The following SETBP1 variants were observed in gnomAD, a reference collection of about 807,000 sequenced individuals.
The protein encoded by SETBP1 is SET-binding protein.
A neutral mutation model predicts 101.0 loss-of-function variants in SETBP1; 9 were observed. That is an observed-to-expected ratio of 0.09 (90% confidence interval 0.05 to 0.16). The LOEUF (loss-of-function observed/expected upper bound fraction) is 0.16, where lower values mean the gene tolerates loss of function less well. SETBP1 is among the 10% of genes least tolerant of loss of function. The pLI is 1.00. For missense variants in SETBP1, 1,858 were observed against 2,033.8 expected, an observed-to-expected ratio of 0.91 and a Z score of 1.66; for synonymous variants, 818 against 788.5, an observed-to-expected ratio of 1.04 and a Z score of -0.63.
chr18:44,694,369 G>A (rs1344913697), intron 1 of SETBP1, among the ~76,000 whole-genome samples: 1 of 152,054 alleles, frequency 6.6e-6, no homozygotes, highest in Non-Finnish European at 1.5e-5. Flanking sequence ...ATGCCACCAC[G>A]CCCGACTAAT....
At chr18:45,002,091 A>C (rs546129716) in intron 4 of SETBP1, among the ~76,000 whole-genome samples, 10 of 152,256 alleles carry the variant, frequency 6.6e-5, no homozygotes, top group African/African-American at 2.2e-4. Flanking sequence ...TCTTTGAAAA[A>C]AACAAAGCCT....
Position 44,929,961 on chromosome 18 carries a change from T to G in SETBP1, c.541-19920T>G, listed in dbSNP as rs148858805. Among the ~76,000 whole-genome samples, 87 of 152,348 alleles carry G rather than the reference T, an allele frequency of 5.7e-4. No homozygotes were observed. In the East Asian group the frequency reaches 0.015, roughly 26 times the overall value. On this transcript the variant is annotated intron_variant, in intron 3 of 5. Coordinates refer to ENST00000649279, the MANE Select transcript of SETBP1 (RefSeq NM_015559.3). ...TTGCCTGATTGCCCTGGCCAGAACT[T>G]CCAACACTGTGTTGAATAGGAGTGG...
chr18:44,693,844 C>G (rs2068973292), intron 1 of SETBP1, among the ~76,000 whole-genome samples: 1 of 152,156 alleles, frequency 6.6e-6, no homozygotes, highest in Non-Finnish European at 1.5e-5. Context: ...GTATGGGCAG[C>G]TTGAACAAAA....
Position 45,004,323 on chromosome 18 carries a change from C to A in SETBP1, c.4001-34162C>A, listed in dbSNP as rs546287775. On this transcript the variant is annotated intron_variant, in intron 4 of 5. Transcript: ENST00000649279. ...GTTGTCCTTGGCATCCCAAATTCAT[C>A]TTTTTTACACCGATGGTTGGCGTGA... Among the ~76,000 whole-genome samples the A allele has an allele frequency of 1.6e-4, 24 of 152,302 alleles. No homozygotes were observed. The South Asian group carries it at 5.0e-3, about 32-fold the overall frequency.
At chr18:45,053,804 C>T (rs1360435770) in intron 5 of SETBP1, among the ~76,000 whole-genome samples, 2 of 151,868 alleles carry the variant, frequency 1.3e-5, no homozygotes, top group African/African-American at 4.8e-5. Context: ...GAAAATGTCT[C>T]ACAATCAGGT....
intron 2 of SETBP1, among the ~76,000 whole-genome samples, chr18:44,767,112 A>T (rs1382925462): frequency 6.6e-6 from 1 of 152,208 alleles, no homozygotes; most frequent in African/African-American, 2.4e-5. Context: ...GAAAATTTGT[A>T]TTTGCAAATA....
chr18:44,857,296 G>A (rs962428425), intron 2 of SETBP1, among the ~76,000 whole-genome samples: 2 of 152,160 alleles, frequency 1.3e-5, no homozygotes, highest in Non-Finnish European at 2.9e-5. Flanking sequence ...TCCTCAAGTG[G>A]ACTCTAGGTA....
intron 3 of SETBP1, among the ~76,000 whole-genome samples, chr18:44,908,810 C>T (rs1401582980): frequency 6.6e-6 from 1 of 152,200 alleles, no homozygotes; most frequent in African/African-American, 2.4e-5. Flanking sequence ...AATTCATGTC[C>T]TGTAGAGTAC....
chr18:44,957,276 T>C (rs1185087213), intron 4 of SETBP1, among the ~76,000 whole-genome samples: 1 of 152,072 alleles, frequency 6.6e-6, no homozygotes, highest in African/African-American at 2.4e-5. Context: ...ATGAGTGACA[T>C]TTTCTATTCA....
chr18:44,960,343 T>G (rs1339950826), intron 4 of SETBP1, among the ~76,000 whole-genome samples: 1 of 152,092 alleles, frequency 6.6e-6, no homozygotes, highest in Non-Finnish European at 1.5e-5. Flanking sequence ...GGCAAGCCAC[T>G]TTTTATTTTA....
At chr18:44,977,308 A>T (rs1047833055) in intron 4 of SETBP1, among the ~76,000 whole-genome samples, 1 of 152,220 alleles carries the variant, frequency 6.6e-6, no homozygotes, top group African/African-American at 2.4e-5. Context: ...GAAAGGGGGA[A>T]AAAAGGAGCA....
chr18:44,782,742 GGTCAGTCTGGAAC>G (rs1329989220), intron 2 of SETBP1, among the ~76,000 whole-genome samples: 38 of 152,224 alleles, frequency 2.5e-4, no homozygotes, highest in African/African-American at 8.9e-4. Flanking sequence ...AATATGTCTA[GGTCAGTCTGGAAC>G]TTCCCCCAGC....
intron 2 of SETBP1, among the ~76,000 whole-genome samples, chr18:44,841,400 G>A (rs934037323): frequency 2.0e-5 from 3 of 152,114 alleles, no homozygotes; most frequent in Non-Finnish European, 4.4e-5. Context: ...ACCTTGTCTT[G>A]GAAATCACAC....
At chr18:44,942,139 G>A (rs2092241895) in intron 3 of SETBP1, among the ~76,000 whole-genome samples, 1 of 152,130 alleles carries the variant, frequency 6.6e-6, no homozygotes, top group Admixed American at 6.5e-5. Flanking sequence ...ATTTGTTAGT[G>A]AGGGACTCGA....
At chr18:45,045,692 G>C (rs1311750832) in intron 5 of SETBP1, among the ~76,000 whole-genome samples, 2 of 152,110 alleles carry the variant, frequency 1.3e-5, no homozygotes, top group Non-Finnish European at 2.9e-5. Context: ...CCAGCTAGGT[G>C]ATCTCAAGAC....
chr18:45,032,526 C>A (rs2145470369), intron 4 of SETBP1, among the ~76,000 whole-genome samples: 1 of 152,298 alleles, frequency 6.6e-6, no homozygotes, highest in South Asian at 2.1e-4. Context: ...TCATTCATCT[C>A]TTCACTCATC....
intron 2 of SETBP1, among the ~76,000 whole-genome samples, chr18:44,867,111 G>GT (rs1315594919): frequency 2.0e-5 from 3 of 152,272 alleles, no homozygotes; most frequent in South Asian, 2.1e-4. Flanking sequence ...CTTAGCTTTC[G>GT]TAAGTCTCAA....
chr18:44,755,423 G>T (rs1303578289), intron 2 of SETBP1, among the ~76,000 whole-genome samples: 1 of 152,124 alleles, frequency 6.6e-6, no homozygotes, highest in East Asian at 1.9e-4. Context: ...GGACAAAGTA[G>T]GAGGAGGAAC....
chr18:44,694,839 T>C (rs2068989128), intron 1 of SETBP1, among the ~76,000 whole-genome samples: 1 of 152,112 alleles, frequency 6.6e-6, no homozygotes, highest in Non-Finnish European at 1.5e-5. Flanking sequence ...TCAGGAAAAT[T>C]AGTTAATCCA....
Sources: allele counts gnomAD v4.1 joint callset (sites outside exome capture counted in the v4.1 genomes callset), GRCh38; gene constraint gnomAD v4.1.1; transcripts MANE v1.5; gene names NCBI Gene and HGNC (gene_info 2026-07-23, HGNC 2026-07-21).